GRIN2A: variants seen among roughly 807,000 people sequenced by gnomAD.
GRIN2A encodes the protein glutamate ionotropic receptor NMDA type subunit 2A.
GRIN2A carries 22 observed loss-of-function variants against 113.4 expected under a neutral mutation model. The observed-to-expected ratio is 0.19, with a 90% CI of 0.14 to 0.28. The LOEUF is 0.28. GRIN2A is among the 10% of genes least tolerant of loss of function. The probability of loss-of-function intolerance (pLI) is 1.00; values close to 1 mark genes in which losing one functional copy is unlikely to be tolerated. For synonymous variants in GRIN2A, 827 were observed against 738.4 expected (o/e 1.12, Z -1.94); for missense variants, 1,502 against 1,887.0 (o/e 0.80, Z 3.78).
At chr16:9,847,611 AT>A (rs1008096928) in intron 5 of GRIN2A, among the ~76,000 whole-genome samples, 2 of 151,098 alleles carry the variant, frequency 1.3e-5, no homozygotes, top group Non-Finnish European at 2.9e-5. Context: ...ACATAAAAAT[AT>A]ATAATGTTTT....
chr16:9,895,381 C>T (rs1044005976), intron 3 of GRIN2A, among the ~76,000 whole-genome samples: 4 of 152,102 alleles, frequency 2.6e-5, no homozygotes, highest in African/African-American at 7.2e-5. Context: ...AATGAGCTGC[C>T]GTCAGTTCAC....
At chr16:9,904,529 G>A (rs569206775) in intron 3 of GRIN2A, among the ~76,000 whole-genome samples, 14 of 152,060 alleles carry the variant, frequency 9.2e-5, no homozygotes, top group Non-Finnish European at 1.9e-4. Context: ...GCACCACCAA[G>A]CCCAGCTAAT....
In GRIN2A at chr16:10,111,606, G is replaced by A. The variant is rs569924146; in HGVS notation, c.414+68392C>T. 2.5e-4 allele frequency: 285 copies of A among 1,160,330 alleles called. 2 individuals carry two copies. In the South Asian group the frequency reaches 3.2e-3, roughly 13 times the overall value. The allele number at this position is 1,160,330 out of a possible 1,614,324, so 71.9% of individuals were successfully genotyped here. A position where few individuals can be genotyped will look rare whatever the true frequency, so the allele number is the denominator to read the frequency against. ...CTTCCCCTATGGACACTGAGACAGAGGCCGACATGGCCATCGCGATGGCTC... is the reference window on the plus strand; with the variant it reads ...CTTCCCCTATGGACACTGAGACAGAAGCCGACATGGCCATCGCGATGGCTC... On this transcript the variant is annotated intron_variant, in intron 2 of 12. Transcript: ENST00000330684.
chr16:9,855,520 G>C lies in GRIN2A; in HGVS notation c.1123-5559C>G, dbSNP rs146942579. Among the ~76,000 whole-genome samples, 652 of 152,274 alleles carry C rather than the reference G, an allele frequency of 4.3e-3. 1 individual carries two copies. Among genetic ancestry groups the C allele is most frequent in the African/African-American group, 0.014 (582 of 41,556 alleles). ...TGACTTTTGACCTCACTGATTGGGT[G>C]TCATTCTCCTCACTGTAACAGGAAT... is the stretch of plus-strand genomic sequence containing the variant. On this transcript the variant is annotated intron_variant, in intron 4 of 12. Transcript: ENST00000330684.
intron 2 of GRIN2A, among the ~76,000 whole-genome samples, chr16:10,092,518 AT>A (rs2048200767): frequency 6.6e-6 from 1 of 152,070 alleles, no homozygotes; most frequent in Admixed American, 6.6e-5. Flanking sequence ...ATTAAGCATT[AT>A]TTTTTTCTCT....
intron 2 of GRIN2A, among the ~76,000 whole-genome samples, chr16:10,003,749 G>C (rs1596407014): frequency 6.6e-6 from 1 of 152,228 alleles, no homozygotes; most frequent in Non-Finnish European, 1.5e-5. Flanking sequence ...CTAGGGAATA[G>C]TCTGAGTGGG....
At chr16:9,768,704 T>C (rs1901071633) in intron 12 of GRIN2A, 147 bp downstream of exon 12, 1 of 760,816 alleles carries the variant, frequency 1.3e-6, no homozygotes, top group Admixed American at 1.8e-5. Flanking sequence ...ACCTGGCTTA[T>C]GAATGCACAA....
chr16:9,847,142 A>G (rs1001810987), intron 5 of GRIN2A, among the ~76,000 whole-genome samples: 2 of 152,208 alleles, frequency 1.3e-5, no homozygotes, highest in African/African-American at 2.4e-5. Flanking sequence ...CCAAATGGAG[A>G]GACGTTTTTA....
chr16:9,903,035 C>T lies in GRIN2A; in HGVS notation c.1008-11935G>A, dbSNP rs532312479. 2.1e-4 allele frequency among the ~76,000 whole-genome samples: 30 copies of T among 146,094 alleles called. No individual in the cohort carries two copies. In the East Asian group the frequency reaches 5.5e-3, roughly 27 times the overall value. On this transcript the variant is annotated intron_variant, in intron 3 of 12. Transcript: ENST00000330684. Reference sequence around the variant, plus strand: ...CCAGGCTGGAGTGCAGTGGTACGATCTCGGCTCATTGCAACCCCCACCTCC... The same window carrying T: ...CCAGGCTGGAGTGCAGTGGTACGATTTCGGCTCATTGCAACCCCCACCTCC...
rs183685633 is a variant in GRIN2A, at chr16:10,086,068, C to T, written c.414+93930G>A. 1.2e-3 allele frequency among the ~76,000 whole-genome samples: 189 copies of T among 152,278 alleles called. 1 individual carries two copies. The highest frequency in any genetic ancestry group is 5.1e-3 in the Admixed American group (78 of 15,294). On this transcript the variant is annotated intron_variant, in intron 2 of 12. Transcript: ENST00000330684. ...TTATAACCTCTACATGAAGCAAAAT[C>T]CTATGTCCTGCACACAGTAGGCACT... is the stretch of plus-strand genomic sequence containing the variant.
At chr16:10,142,254 C>A (rs2049342267) in intron 2 of GRIN2A, among the ~76,000 whole-genome samples, 1 of 152,270 alleles carries the variant, frequency 6.6e-6, no homozygotes, top group Admixed American at 6.5e-5. Context: ...ACTCAAAAAA[C>A]CCAGGGTTAA....
At chr16:9,853,101 G>A (rs1159164638) in intron 4 of GRIN2A, among the ~76,000 whole-genome samples, 2 of 152,184 alleles carry the variant, frequency 1.3e-5, no homozygotes, top group Non-Finnish European at 2.9e-5. Flanking sequence ...TGACACTTAA[G>A]CTGAAATTGG....
At chr16:10,050,765 C>T (rs1393600092) in intron 2 of GRIN2A, among the ~76,000 whole-genome samples, 2 of 152,146 alleles carry the variant, frequency 1.3e-5, no homozygotes, top group African/African-American at 4.8e-5. Context: ...TTCCACGAAA[C>T]TGGTCCCTGG....
rs1363822880 is a variant in GRIN2A, at chr16:9,758,016, C to T, written c.*5133G>A. Reference sequence around the variant, plus strand: ...CAGAGAATCGAGCCAGAAATTGAACCATGTCTTGGATCTAATCCTCGCTCT... The same window carrying T: ...CAGAGAATCGAGCCAGAAATTGAACTATGTCTTGGATCTAATCCTCGCTCT... On this transcript the variant is annotated 3_prime_UTR_variant, in exon 13 of 13. Transcript: ENST00000330684. 1 of 215,832 alleles carries T rather than the reference C, an allele frequency of 4.6e-6. No individual in the cohort carries two copies. Among genetic ancestry groups the T allele is most frequent in the East Asian group, 6.8e-5 (1 of 14,642 alleles). 13.4% of individuals were successfully genotyped at this position (215,832 alleles called of 1,614,324 possible). A position where few individuals can be genotyped will look rare whatever the true frequency, so the allele number is the denominator to read the frequency against.
chr16:9,764,415 G>A lies in GRIN2A; in HGVS notation c.3129C>T (p.Thr1043=). The A allele has an allele frequency of 1.2e-6, 2 of 1,613,994 alleles. No individual in the cohort carries two copies. The highest frequency in any genetic ancestry group is 1.1e-5 in the South Asian group (1 of 91,076). ...QRDEATAENR[T]HSLKSPRYLP... The stretch of plus-strand genomic sequence containing the variant: ...GATACCTAGGGCTCTTTAGGGAGTG[G>A]GTCCTATTCTCTGCTGTTGCCTCAT... The change falls in exon 13 of 13, where the codon ACC becomes ACT. Residue 1043 remains threonine (T), a synonymous_variant. Coordinates refer to ENST00000330684, the MANE Select transcript of GRIN2A (RefSeq NM_001134407.3).
chr16:10,170,189 G>A (rs914775134), intron 2 of GRIN2A, among the ~76,000 whole-genome samples: 1 of 152,326 alleles, frequency 6.6e-6, no homozygotes. Context: ...GATTCAGCGT[G>A]CAGTACACCG....
Position 9,965,401 on chromosome 16 carries a change from A to G in GRIN2A, c.415-26850T>C, listed in dbSNP as rs544078622. ...AAAAATGCCCCCCAAAGCTGCCTCAATATCATTAAAAGTTGGGCAGTGAGG... is the reference window on the plus strand; with the variant it reads ...AAAAATGCCCCCCAAAGCTGCCTCAGTATCATTAAAAGTTGGGCAGTGAGG... On this transcript the variant is annotated intron_variant, in intron 2 of 12. Coordinates refer to ENST00000330684, the MANE Select transcript of GRIN2A (RefSeq NM_001134407.3). 1.3e-3 allele frequency among the ~76,000 whole-genome samples: 200 copies of G among 152,348 alleles called. 2 individuals carry two copies. Among genetic ancestry groups the G allele is most frequent in the African/African-American group, 4.7e-3 (195 of 41,584 alleles).
At chr16:9,859,114 T>C (rs2043017342) in intron 4 of GRIN2A, among the ~76,000 whole-genome samples, 1 of 152,134 alleles carries the variant, frequency 6.6e-6, no homozygotes, top group South Asian at 2.1e-4. Flanking sequence ...AAAGCTCTTC[T>C]ATAATACAGG....
chr16:10,071,257 C>T (rs2047744697), intron 2 of GRIN2A, among the ~76,000 whole-genome samples: 1 of 152,194 alleles, frequency 6.6e-6, no homozygotes, highest in African/African-American at 2.4e-5. Flanking sequence ...ATATTCGGAA[C>T]ATTCTATTAG....
Sources: gnomAD v4.1 joint callset for allele counts (sites outside exome capture counted in the v4.1 genomes callset) on GRCh38, gnomAD v4.1.1 for gene constraint, MANE v1.5 for transcripts, NCBI Gene and HGNC (gene_info 2026-07-23, HGNC 2026-07-21) for gene names.